ELAPOR1: variants seen among roughly 807,000 people sequenced by gnomAD.
ELAPOR1 encodes the protein endosome/lysosome-associated apoptosis and autophagy regulator 1.
Under a neutral mutation model 119.7 loss-of-function variants are expected in ELAPOR1, and 77 were observed. The ratio of observed to expected loss-of-function variants is 0.64; its 90% confidence interval spans 0.54 to 0.78. ELAPOR1 has a LOEUF of 0.78. Ranked by LOEUF, ELAPOR1 falls within the 30% of genes least tolerant of loss-of-function variation. The probability of loss-of-function intolerance (pLI) is 0.00; values close to 1 mark genes in which losing one functional copy is unlikely to be tolerated. For missense variants in ELAPOR1, 1,115 were observed against 1,270.4 expected, an observed-to-expected ratio of 0.88 and a Z score of 1.86; for synonymous variants, 481 against 487.2, an observed-to-expected ratio of 0.99 and a Z score of 0.17.
chr1:109,173,862 G>A (rs1652077566), intron 7 of ELAPOR1, 25 bp downstream of exon 7: 2 of 1,612,246 alleles, frequency 1.2e-6, no homozygotes, highest in Admixed American at 1.7e-5. Flanking sequence ...GGTGGGAAGA[G>A]TTTGGGGATA....
At chr1:109,137,435 C>T (rs940083590) in intron 1 of ELAPOR1, among the ~76,000 whole-genome samples, 3 of 152,044 alleles carry the variant, frequency 2.0e-5, no homozygotes, top group Non-Finnish European at 4.4e-5. Context: ...AACTCCTGAC[C>T]TCAAGTGATC....
intron 1 of ELAPOR1, among the ~76,000 whole-genome samples, chr1:109,134,521 G>A (rs1649339484): frequency 6.6e-6 from 1 of 151,976 alleles, no homozygotes; most frequent in African/African-American, 2.4e-5. Flanking sequence ...GCTTAGTCCT[G>A]GCCCTCTGTG....
chr1:109,144,674 G>A (rs192969595), intron 1 of ELAPOR1, among the ~76,000 whole-genome samples: 3 of 152,182 alleles, frequency 2.0e-5, no homozygotes, highest in Admixed American at 6.5e-5. Flanking sequence ...CCTGGGAGAC[G>A]GAGGTTGCAG....
chr1:109,114,253 C>A lies in ELAPOR1; in HGVS notation c.70C>A (p.Arg24=). 6.3e-7 allele frequency: 1 copy of A among 1,598,182 alleles called. No individual in the cohort carries two copies. Among genetic ancestry groups the A allele is most frequent in the Non-Finnish European group, 8.5e-7 (1 of 1,172,488 alleles). The stretch of plus-strand genomic sequence containing the variant: ...GGGAAGAACTGAGAGGCGCATACCC[C>A]GGCTGTGGCGGCTGCTGCTCTGGGC... ...VRGRTERRIP[R]LWRLLLWAGT... The change falls in exon 1 of 22, where the codon CGG becomes AGG. Residue 24 remains arginine (R), a synonymous_variant. Transcript: ENST00000369939.
chr1:109,192,993 T>TCCAA, intron 14 of ELAPOR1, 119 bp downstream of exon 14: 1 of 1,168,346 alleles, frequency 8.6e-7, no homozygotes, highest in Non-Finnish European at 1.2e-6. Flanking sequence ...CCTAGCATAC[T>TCCAA]CCTAGGTTGG....
intron 2 of ELAPOR1, among the ~76,000 whole-genome samples, chr1:109,164,246 C>A (rs1651434337): frequency 6.6e-6 from 1 of 152,130 alleles, no homozygotes; most frequent in African/African-American, 2.4e-5. Context: ...TACTTTCTGT[C>A]TCTATGGCTT....
At chr1:109,198,741 A>G in intron 18 of ELAPOR1, 67 bp downstream of exon 18, 1 of 1,392,632 alleles carries the variant, frequency 7.2e-7, no homozygotes, top group Non-Finnish European at 1.0e-6. Context: ...CCTGAGATCC[A>G]GAGATTACTG....
chr1:109,173,357 T>C, intron 5 of ELAPOR1, 117 bp from the exon 6 acceptor site: 1 of 800,940 alleles, frequency 1.2e-6, no homozygotes, highest in Non-Finnish European at 2.1e-6. Flanking sequence ...AGGAAGAGGG[T>C]CAGAAGAAGC....
In ELAPOR1 at chr1:109,200,720, C is replaced by T; in HGVS notation, c.2808-15C>T. On this transcript the variant is annotated splice_polypyrimidine_tract_variant and intron_variant, in intron 20 of 21. Transcript: ENST00000369939. ...CATTTTGGGATCTTGTCTTTCCCAT[C>T]CTCCTGTTTTATAGACTAGAGTACA... The T allele has an allele frequency of 6.2e-7, 1 of 1,608,952 alleles. No homozygotes were observed. The highest frequency in any genetic ancestry group is 8.5e-7 in the Non-Finnish European group (1 of 1,176,846).
intron 21 of ELAPOR1, among the ~76,000 whole-genome samples, chr1:109,202,066 C>T (rs1000533197): frequency 1.3e-5 from 2 of 152,198 alleles, no homozygotes; most frequent in Non-Finnish European, 2.9e-5. Flanking sequence ...TGCCATTGCA[C>T]TCCAGCCTGG....
intron 3 of ELAPOR1, among the ~76,000 whole-genome samples, chr1:109,167,784 T>C (rs1651685252): frequency 6.6e-6 from 1 of 152,100 alleles, no homozygotes; most frequent in Non-Finnish European, 1.5e-5. Flanking sequence ...TAACTTCTTA[T>C]TTTTCTAGAG....
At chr1:109,164,784 G>A (rs558175585) in intron 3 of ELAPOR1, 93 bp downstream of exon 3, 3 of 1,261,900 alleles carry the variant, frequency 2.4e-6, no homozygotes, top group East Asian at 2.5e-5. Context: ...CCCTCAGGCT[G>A]GGCAGGGAGG....
chr1:109,144,061 A>ATATATATATATTTTTTTTTT lies in ELAPOR1; in HGVS notation c.154-17832_154-17831insATATATATATTTTTTTTTTT. Among the ~76,000 whole-genome samples the ATATATATATATTTTTTTTTT allele has an allele frequency of 3.6e-4, 32 of 88,982 alleles. 2 individuals carry two copies. The highest frequency in any genetic ancestry group is 3.8e-4 in the Admixed American group (3 of 7,816). 58.4% of individuals were successfully genotyped at this position (88,982 alleles called of 152,430 possible). ...TATATATATATATATATATTTATAT[A>ATATATATATATTTTTTTTTT]TTTTTTTTTTTTTTTGAGATGGAGT... On this transcript the variant is annotated intron_variant, in intron 1 of 21. Transcript: ENST00000369939.
At chr1:109,116,352 T>C (rs557704173) in intron 1 of ELAPOR1, among the ~76,000 whole-genome samples, 69 of 152,288 alleles carry the variant, frequency 4.5e-4, no homozygotes, top group African/African-American at 1.6e-3. Context: ...GCTTTGAGTA[T>C]TGAAATAGAA....
At chr1:109,198,133 G>T in intron 17 of ELAPOR1, 58 bp downstream of exon 17, 1 of 1,342,826 alleles carries the variant, frequency 7.4e-7, no homozygotes. Context: ...CATAATTTCT[G>T]CTGCATCCCT....
chr1:109,153,026 A>G (rs1276442108), intron 1 of ELAPOR1, among the ~76,000 whole-genome samples: 1 of 151,670 alleles, frequency 6.6e-6, no homozygotes, highest in African/African-American at 2.4e-5. Context: ...GGGGAGGAGC[A>G]GGTGGAGGCA....
At chr1:109,126,400 C>A (rs1648780831) in intron 1 of ELAPOR1, among the ~76,000 whole-genome samples, 4 of 152,048 alleles carry the variant, frequency 2.6e-5, no homozygotes, top group Admixed American at 2.6e-4. Flanking sequence ...ACAAAGCAAG[C>A]AATACAGGAA....
chr1:109,160,514 T>C (rs1049313980), intron 1 of ELAPOR1, among the ~76,000 whole-genome samples: 6 of 152,190 alleles, frequency 3.9e-5, no homozygotes, highest in African/African-American at 1.4e-4. Context: ...AGCGTGCATC[T>C]TGGAATAGAT....
intron 1 of ELAPOR1, among the ~76,000 whole-genome samples, chr1:109,125,083 C>T (rs961829266): frequency 6.6e-6 from 1 of 152,148 alleles, no homozygotes; most frequent in Non-Finnish European, 1.5e-5. Flanking sequence ...TGCCCACCAA[C>T]ATGCCTGGCT....
Sources: allele counts gnomAD v4.1 joint callset (sites outside exome capture counted in the v4.1 genomes callset), GRCh38; gene constraint gnomAD v4.1.1; transcripts MANE v1.5; gene names NCBI Gene and HGNC (gene_info 2026-07-23, HGNC 2026-07-21).